Variants in VWA8 observed in about 807,000 individuals in gnomAD.
VWA8 encodes the protein von Willebrand factor A domain containing 8, also known as von Willebrand factor A domain-containing protein 8.
Under a neutral mutation model 241.5 loss-of-function variants are expected in VWA8, and 221 were observed. That is an observed-to-expected ratio of 0.91 (90% CI 0.82 to 1.02). The LOEUF (loss-of-function observed/expected upper bound fraction) is 1.02, where lower values mean the gene tolerates loss of function less well. Ranked by LOEUF, VWA8 falls within the 50% of genes least tolerant of loss-of-function variation. The pLI, the probability that VWA8 is intolerant of heterozygous loss-of-function variation, is 0.00. For missense variants in VWA8, 2,322 were observed against 2,328.7 expected, an observed-to-expected ratio of 1.00 and a Z score of 0.06; for synonymous variants, 852 against 827.1, an observed-to-expected ratio of 1.03 and a Z score of -0.52.
intron 12 of VWA8, among the ~76,000 whole-genome samples, chr13:41,863,421 GTGTGTGTGTGTGTATA>G (rs1313650039): frequency 4.5e-5 from 3 of 66,664 alleles, no homozygotes; most frequent in South Asian, 5.2e-4. Flanking sequence ...GTGTGTGTGT[GTGTGTGTGTGTGTATA>G]TATATATATA....
chr13:41,754,884 G>A lies in VWA8; in HGVS notation c.2426+6244C>T, dbSNP rs182209149. Among the ~76,000 whole-genome samples the A allele has an allele frequency of 3.6e-3, 547 of 151,992 alleles. 23 individuals are homozygous for A. The East Asian group carries it at 0.09, about 25-fold the overall frequency. ...TGTCTTTCTGTGCCTGGCTTATGTC[G>A]CTTAACATAATGACCTCCAGTTGCA... On this transcript the variant is annotated intron_variant, in intron 21 of 44. Transcript: ENST00000379310.
chr13:41,891,350 C>T, intron 5 of VWA8, 70 bp downstream of exon 5: 1 of 1,576,726 alleles, frequency 6.3e-7, no homozygotes, highest in Non-Finnish European at 8.7e-7. Context: ...AGAGCCATGT[C>T]TTACACAATA....
intron 12 of VWA8, chr13:41,865,396 T>C (rs925814420): frequency 7.5e-5 from 24 of 318,262 alleles, no homozygotes; most frequent in Admixed American, 9.0e-5. Context: ...TACTTATTTA[T>C]CAAACAGTAG....
At chr13:41,921,561 C>T (rs1876537890) in intron 2 of VWA8, among the ~76,000 whole-genome samples, 2 of 152,172 alleles carry the variant, frequency 1.3e-5, no homozygotes, top group African/African-American at 4.8e-5. Context: ...CCCAAAATTT[C>T]CTTAAGCTGA....
intron 21 of VWA8, among the ~76,000 whole-genome samples, chr13:41,748,360 T>C (rs573650164): frequency 1.3e-5 from 2 of 152,342 alleles, no homozygotes; most frequent in Non-Finnish European, 2.9e-5. Flanking sequence ...TATCCATTTC[T>C]TCTAGATTTT....
At chr13:41,670,794 T>C (rs1017313785) in intron 37 of VWA8, 152 bp downstream of exon 37, 19 of 891,420 alleles carry the variant, frequency 2.1e-5, no homozygotes, top group Admixed American at 8.7e-5. Flanking sequence ...GAATTTGTTT[T>C]TGTCTTTTTA....
At chr13:41,958,855 A>G (rs1878462824) in intron 1 of VWA8, among the ~76,000 whole-genome samples, 1 of 152,226 alleles carries the variant, frequency 6.6e-6, no homozygotes, top group African/African-American at 2.4e-5. Flanking sequence ...AGCAAAGCCT[A>G]TACTTTGATT....
chr13:41,926,029 A>C (rs931864171), intron 2 of VWA8: 5 of 428,888 alleles, frequency 1.2e-5, no homozygotes, highest in African/African-American at 1.0e-4. Context: ...TTCATCTTCT[A>C]TGACCTTCAA....
chr13:41,590,836 G>A, intron 40 of VWA8, 71 bp from the exon 41 acceptor site: 1 of 1,566,826 alleles, frequency 6.4e-7, no homozygotes, highest in Non-Finnish European at 8.7e-7. Context: ...CTTTGTGCAT[G>A]AATAACAGGA....
intron 43 of VWA8, among the ~76,000 whole-genome samples, chr13:41,574,450 A>G (rs1213486269): frequency 6.6e-6 from 1 of 152,240 alleles, no homozygotes; most frequent in Non-Finnish European, 1.5e-5. Context: ...AACACATCCA[A>G]TGCTCATAGA....
chr13:41,741,028 C>A (rs2045565787), intron 21 of VWA8, among the ~76,000 whole-genome samples: 2 of 152,174 alleles, frequency 1.3e-5, no homozygotes, highest in Admixed American at 6.6e-5. Context: ...ACTGTAATCT[C>A]TGCTCTGGCC....
chr13:41,760,897 T>C (rs1169289144), intron 21 of VWA8, among the ~76,000 whole-genome samples: 1 of 152,012 alleles, frequency 6.6e-6, no homozygotes, highest in Non-Finnish European at 1.5e-5. Context: ...TGTTCATCAC[T>C]CTCTGTCCAC....
At position 41,941,097 on chromosome 13, in the gene VWA8, T is replaced by A. The variant is rs185969047; in HGVS notation, c.241+8839A>T. Among the ~76,000 whole-genome samples the A allele has an allele frequency of 5.3e-5, 8 of 151,666 alleles. No homozygotes were observed. The East Asian group carries it at 1.5e-3, about 29-fold the overall frequency. ...AAGAAAATGTGGTGATTTTTGGAGG[T>A]TTTTTGATGACTTGCTCTCAGCCAG... On this transcript the variant is annotated intron_variant, in intron 2 of 44. Coordinates refer to ENST00000379310, the MANE Select transcript of VWA8 (RefSeq NM_015058.2).
At chr13:41,734,846 C>T (rs903673997) in intron 21 of VWA8, among the ~76,000 whole-genome samples, 1 of 152,062 alleles carries the variant, frequency 6.6e-6, no homozygotes, top group African/African-American at 2.4e-5. Context: ...AAGATAAAGC[C>T]CTGTGGGATG....
intron 43 of VWA8, among the ~76,000 whole-genome samples, chr13:41,572,557 G>A (rs941474649): frequency 6.6e-6 from 1 of 152,048 alleles, no homozygotes. Context: ...ATTAAGGGCG[G>A]TGCAAGATGT....
chr13:41,696,983 T>C (rs1160911615), intron 29 of VWA8, among the ~76,000 whole-genome samples: 1 of 152,216 alleles, frequency 6.6e-6, no homozygotes, highest in East Asian at 1.9e-4. Context: ...CAAGCTTGTA[T>C]TTCCTGGTAG....
intron 30 of VWA8, 33 bp downstream of exon 30, chr13:41,692,829 G>T: frequency 6.5e-7 from 1 of 1,544,922 alleles, no homozygotes; most frequent in South Asian, 1.1e-5. Context: ...AGAAATCCTT[G>T]GCAATTTGTG....
intron 1 of VWA8, among the ~76,000 whole-genome samples, chr13:41,952,345 T>G (rs1878173374): frequency 6.6e-6 from 1 of 152,214 alleles, no homozygotes; most frequent in South Asian, 2.1e-4. Flanking sequence ...ATTGGTTGAC[T>G]GGTCATCTCG....
At chr13:41,769,100 T>A (rs570599783) in intron 20 of VWA8, among the ~76,000 whole-genome samples, 1 of 152,124 alleles carries the variant, frequency 6.6e-6, no homozygotes, top group Non-Finnish European at 1.5e-5. Flanking sequence ...AGAGACAGTA[T>A]TTTACTATAT....
Sources: allele counts gnomAD v4.1 joint callset (sites outside exome capture counted in the v4.1 genomes callset), GRCh38; gene constraint gnomAD v4.1.1; transcripts MANE v1.5; gene names NCBI Gene and HGNC (gene_info 2026-07-23, HGNC 2026-07-21).